The following ICE2 variants were observed in gnomAD, a reference collection of about 807,000 sequenced individuals.
The protein encoded by ICE2 is interactor of little elongation complex ELL subunit 2, also known as little elongation complex subunit 2.
Under a neutral mutation model 105.4 loss-of-function variants are expected in ICE2, and 87 were observed. The observed-to-expected ratio is 0.83, with a 90% CI of 0.69 to 0.99. The LOEUF (loss-of-function observed/expected upper bound fraction) is 0.99, where lower values mean the gene tolerates loss of function less well. Ranked by LOEUF, ICE2 falls within the 50% of genes least tolerant of loss-of-function variation. ICE2 has a pLI of 0.00. For synonymous variants in ICE2, 399 were observed against 392.0 expected, an observed-to-expected ratio of 1.02 and a Z score of -0.21; for missense variants, 1,323 against 1,146.7, an observed-to-expected ratio of 1.15 and a Z score of -2.22.
chr15:60,455,412 G>T lies in ICE2; in HGVS notation c.697C>A (p.Pro233Thr). ...GSVKYVKTVFPSMPIKLQLSK... is the reference protein window; with the variant it reads ...GSVKYVKTVFTSMPIKLQLSK... ...AGCTGCAACTTTATAGGCATTGAGG[G>T]AAATACTGTTTTCACATATTTTACA... The change falls in exon 7 of 16, where the codon CCC becomes ACC. Residue 233 changes from proline (P) to threonine (T), a missense_variant. By Grantham distance (38) the Pro-to-Thr change is conservative. Coordinates refer to ENST00000261520, the MANE Select transcript of ICE2 (RefSeq NM_024611.6). The T allele has an allele frequency of 6.2e-7, 1 of 1,612,910 alleles. No homozygotes were observed. Among genetic ancestry groups the T allele is most frequent in the Non-Finnish European group, 8.5e-7 (1 of 1,179,356 alleles).
intron 15 of ICE2, 49 bp from the exon 16 acceptor site, chr15:60,423,811 C>T: frequency 6.9e-7 from 1 of 1,451,788 alleles, no homozygotes; most frequent in African/African-American, 1.5e-5. Context: ...CTACAACATA[C>T]CTATATACAG....
intron 2 of ICE2, 117 bp from the exon 3 acceptor site, chr15:60,476,284 G>A: frequency 1.6e-6 from 1 of 642,478 alleles, no homozygotes; most frequent in East Asian, 3.0e-5. Flanking sequence ...CCCATCCCCA[G>A]ACAATCTCTT....
intron 10 of ICE2, 90 bp from the exon 11 acceptor site, chr15:60,448,235 C>T (rs2063869386): frequency 1.3e-6 from 1 of 785,532 alleles, no homozygotes; most frequent in South Asian, 2.0e-5. Flanking sequence ...TATTTTAAAA[C>T]TTCTATCATC....
intron 5 of ICE2, among the ~76,000 whole-genome samples, chr15:60,461,536 A>G (rs1209142992): frequency 6.6e-6 from 1 of 152,194 alleles, no homozygotes; most frequent in Non-Finnish European, 1.5e-5. Context: ...TGCTCTAACA[A>G]TAAAAACACA....
Position 60,449,343 on chromosome 15 carries a change from G to T in ICE2, c.1624C>A (p.Pro542Thr). 1 of 1,613,028 alleles carries T rather than the reference G, an allele frequency of 6.2e-7. No homozygotes were observed. ...IDILHADGER[P>T]NVLENLDNSK... Reference sequence around the variant, plus strand: ...TTGTCTAGGTTTTCTAGAACATTAGGTCTTTCACCATCAGCATGTAATATA... The same window carrying T: ...TTGTCTAGGTTTTCTAGAACATTAGTTCTTTCACCATCAGCATGTAATATA... Residue 542 changes from proline to threonine, a missense_variant, in exon 10 of 16, where the codon CCT (proline) becomes ACT (threonine). Pro to Thr is a conservative substitution (Grantham distance 38). Transcript: ENST00000261520.
Position 60,443,883 on chromosome 15 carries a change from C to T in ICE2, c.2296-1338G>A, listed in dbSNP as rs1019801879. On this transcript the variant is annotated intron_variant, in intron 11 of 15. Transcript: ENST00000261520. ...CTGAGGTGGGAAGATTACTTAAGGC[C>T]AGGAGTTCAGGATTAGCCTGGATGA... Among the ~76,000 whole-genome samples, 6 of 151,764 alleles carry T rather than the reference C, an allele frequency of 4.0e-5. No homozygotes were observed. In the East Asian group the frequency reaches 1.2e-3, roughly 29 times the overall value.
rs1160511603 is a variant in ICE2 at position 60,422,267 on chromosome 15, G to T, written c.*1367C>A. ...TCTGCCTCAGCCTTTTGAGTAGCTGGGACTACAGGCACACCCCACCACACC... is the reference window on the plus strand; with the variant it reads ...TCTGCCTCAGCCTTTTGAGTAGCTGTGACTACAGGCACACCCCACCACACC... On this transcript the variant is annotated 3_prime_UTR_variant, in exon 16 of 16. Coordinates refer to ENST00000261520, the MANE Select transcript of ICE2 (RefSeq NM_024611.6). The T allele has an allele frequency of 6.6e-6, 1 of 151,474 alleles. No homozygotes were observed. The highest frequency in any genetic ancestry group is 1.5e-5 in the Non-Finnish European group (1 of 67,982). The allele number at this position is 151,474 out of a possible 1,614,324, so 9.4% of individuals were successfully genotyped here. A position where few individuals can be genotyped will look rare whatever the true frequency, so the allele number is the denominator to read the frequency against.
intron 5 of ICE2, among the ~76,000 whole-genome samples, chr15:60,463,891 A>G (rs1230835588): frequency 1.3e-5 from 2 of 152,216 alleles, no homozygotes; most frequent in African/African-American, 2.4e-5. Flanking sequence ...CTGATTATTC[A>G]CTCAAGTAAG....
At chr15:60,430,728 T>C (rs1303825655) in intron 14 of ICE2, among the ~76,000 whole-genome samples, 1 of 152,204 alleles carries the variant, frequency 6.6e-6, no homozygotes, top group Non-Finnish European at 1.5e-5. Context: ...AGATTTTGAC[T>C]GTAAGTTCGT....
chr15:60,477,445 A>C (rs2064795079), intron 2 of ICE2, among the ~76,000 whole-genome samples: 1 of 152,220 alleles, frequency 6.6e-6, no homozygotes, highest in African/African-American at 2.4e-5. Context: ...AAAGCAGCAC[A>C]TGTATTAGCT....
rs2063258055 is a variant in ICE2 at position 60,422,790 on chromosome 15, GATC to G, written c.*841_*843del. 1 of 150,920 alleles carries G rather than the reference GATC, an allele frequency of 6.6e-6. No individual in the cohort carries two copies. Among genetic ancestry groups the G allele is most frequent in the Non-Finnish European group, 1.5e-5 (1 of 68,150 alleles). The allele number at this position is 150,920 out of a possible 1,614,324, so 9.3% of individuals were successfully genotyped here. A position where few individuals can be genotyped will look rare whatever the true frequency, so the allele number is the denominator to read the frequency against. ...GGAGGTGGATGTTGTGGTGAGCTGA[GATC>G]ATGCCACTGCACTCCAGCCTGGGCA... is the stretch of plus-strand genomic sequence containing the variant. On this transcript the variant is annotated 3_prime_UTR_variant, in exon 16 of 16. Coordinates refer to ENST00000261520, the MANE Select transcript of ICE2 (RefSeq NM_024611.6).
intron 4 of ICE2, 74 bp from the exon 5 acceptor site, chr15:60,466,787 T>C: frequency 1.6e-6 from 2 of 1,231,694 alleles, no homozygotes; most frequent in Non-Finnish European, 2.3e-6. Flanking sequence ...TAATCATTGC[T>C]ATAATAATTT....
intron 15 of ICE2, among the ~76,000 whole-genome samples, chr15:60,426,781 C>G (rs973568054): frequency 6.6e-6 from 1 of 152,164 alleles, no homozygotes; most frequent in Non-Finnish European, 1.5e-5. Context: ...ACCACTCCCA[C>G]ACAGAATTAC....
chr15:60,475,466 AAAG>A (rs1020858335), intron 3 of ICE2, among the ~76,000 whole-genome samples: 25 of 152,316 alleles, frequency 1.6e-4, no homozygotes, highest in East Asian at 3.9e-4. Flanking sequence ...TACCAAAAAA[AAAG>A]AAGAAAAGGG....
In ICE2 at chr15:60,438,566, T is replaced by A. The variant is rs568701361; in HGVS notation, c.2426-2339A>T. ...GAAAGGAAATACTAAGCATAATAACTTTTAGATGTTTACTAATTATGTCTT... is the reference window on the plus strand; with the variant it reads ...GAAAGGAAATACTAAGCATAATAACATTTAGATGTTTACTAATTATGTCTT... On this transcript the variant is annotated intron_variant, in intron 12 of 15. Transcript: ENST00000261520. 3 of 152,348 alleles carry A rather than the reference T, an allele frequency of 2.0e-5. No individual in the cohort carries two copies. In the East Asian group the frequency reaches 5.8e-4, roughly 29 times the overall value. 9.4% of individuals were successfully genotyped at this position (152,348 alleles called of 1,614,324 possible).
At chr15:60,475,262 C>T (rs2064726361) in intron 3 of ICE2, among the ~76,000 whole-genome samples, 1 of 152,126 alleles carries the variant, frequency 6.6e-6, no homozygotes, top group South Asian at 2.1e-4. Context: ...AGAGCTACTA[C>T]AGGCAAGTTG....
intron 12 of ICE2, among the ~76,000 whole-genome samples, chr15:60,437,282 G>C (rs959943164): frequency 6.6e-6 from 1 of 151,388 alleles, no homozygotes; most frequent in Admixed American, 6.6e-5. Context: ...ATTTATTAAA[G>C]CACACCATAA....
At chr15:60,438,536 C>G (rs1198408786) in intron 12 of ICE2, 1 of 152,048 alleles carries the variant, frequency 6.6e-6, no homozygotes, top group Admixed American at 6.5e-5. Context: ...GATTTAAAAA[C>G]CATAGAAAGG....
At chr15:60,434,561 ACACAC>A (rs1566972756) in intron 13 of ICE2, among the ~76,000 whole-genome samples, 4 of 137,390 alleles carry the variant, frequency 2.9e-5, no homozygotes, top group African/African-American at 1.1e-4. Flanking sequence ...ACACACACAC[ACACAC>A]AATGGAATAT....
Sources: allele counts gnomAD v4.1 joint callset (sites outside exome capture counted in the v4.1 genomes callset), GRCh38; gene constraint gnomAD v4.1.1; transcripts MANE v1.5; gene names NCBI Gene and HGNC (gene_info 2026-07-23, HGNC 2026-07-21).